SYN3: variants seen among roughly 807,000 people sequenced by gnomAD.
SYN3 encodes synapsin III.
A neutral mutation model predicts 65.8 loss-of-function variants in SYN3; 35 were observed. The ratio of observed to expected loss-of-function variants is 0.53; its 90% confidence interval spans 0.41 to 0.70. The LOEUF (loss-of-function observed/expected upper bound fraction) is 0.70, where lower values mean the gene tolerates loss of function less well. Ranked by LOEUF, SYN3 falls within the 30% of genes least tolerant of loss-of-function variation. The probability of loss-of-function intolerance (pLI) is 0.00; values close to 1 mark genes in which losing one functional copy is unlikely to be tolerated. For missense variants in SYN3, 680 were observed against 749.0 expected (o/e 0.91, Z 1.08); for synonymous variants, 270 against 292.9 (o/e 0.92, Z 0.80).
intron 6 of SYN3, among the ~76,000 whole-genome samples, chr22:32,772,069 C>T (rs2045784330): frequency 6.6e-6 from 1 of 151,868 alleles, no homozygotes; most frequent in Admixed American, 6.6e-5. Context: ...CCTCCTAGGA[C>T]ATCTGAAAAA....
intron 6 of SYN3, among the ~76,000 whole-genome samples, chr22:32,667,179 C>A (rs1368765396): frequency 6.6e-6 from 1 of 151,776 alleles, no homozygotes; most frequent in African/African-American, 2.4e-5. Flanking sequence ...TCTTTCATTC[C>A]TTCTCCCTCA....
intron 6 of SYN3, among the ~76,000 whole-genome samples, chr22:32,704,097 A>G (rs1247241427): frequency 6.6e-6 from 1 of 152,184 alleles, no homozygotes; most frequent in African/African-American, 2.4e-5. Context: ...TCAGGGGTAC[A>G]TATGCAGGTT....
intron 3 of SYN3, among the ~76,000 whole-genome samples, chr22:32,937,485 A>G: frequency 6.6e-6 from 1 of 152,190 alleles, no homozygotes; most frequent in African/African-American, 2.4e-5. Context: ...GTGTCAAGAA[A>G]CTTACAATCA....
intron 7 of SYN3, among the ~76,000 whole-genome samples, chr22:32,574,249 G>C (rs1374710105): frequency 6.6e-6 from 1 of 152,090 alleles, no homozygotes; most frequent in Admixed American, 6.5e-5. Context: ...GGGAGGCTGA[G>C]CAGGAGGATC....
intron 6 of SYN3, among the ~76,000 whole-genome samples, chr22:32,605,008 A>G (rs1299693948): frequency 1.1e-4 from 5 of 44,770 alleles, no homozygotes; most frequent in Non-Finnish European, 1.9e-4. Flanking sequence ...TCCATCTCAG[A>G]AAAAAAAAAA....
At chr22:32,955,971 C>A (rs896233391) in intron 3 of SYN3, among the ~76,000 whole-genome samples, 11 of 151,164 alleles carry the variant, frequency 7.3e-5, no homozygotes, top group African/African-American at 2.7e-4. Flanking sequence ...GGCTTACTTG[C>A]TCTTCAGATT....
In SYN3 at chr22:32,851,376, C is replaced by T. The variant is rs576139989; in HGVS notation, c.711+13539G>A. On this transcript the variant is annotated intron_variant, in intron 6 of 13. Coordinates refer to ENST00000358763, the MANE Select transcript of SYN3 (RefSeq NM_003490.4). ...CCTGGAGACCAGGGTGACCAGAGGCCCTTCCTGTGGACATAATGTCCCATT... is the reference window on the plus strand; with the variant it reads ...CCTGGAGACCAGGGTGACCAGAGGCTCTTCCTGTGGACATAATGTCCCATT... Among the ~76,000 whole-genome samples, 23 of 152,206 alleles carry T rather than the reference C, an allele frequency of 1.5e-4. No homozygotes were observed. The East Asian group carries it at 4.3e-3, about 28-fold the overall frequency.
At chr22:32,904,376 C>T (rs184748184) in intron 4 of SYN3, among the ~76,000 whole-genome samples, 47 of 152,304 alleles carry the variant, frequency 3.1e-4, no homozygotes, top group Admixed American at 7.8e-4. Flanking sequence ...CTGCAGAGGG[C>T]TCTGAGTACC....
chr22:32,918,149 C>G (rs985023034), intron 4 of SYN3, among the ~76,000 whole-genome samples: 1 of 152,248 alleles, frequency 6.6e-6, no homozygotes, highest in African/African-American at 2.4e-5. Context: ...GATTCTTATT[C>G]ATGCAAAGAG....
intron 4 of SYN3, among the ~76,000 whole-genome samples, chr22:32,903,595 TA>T (rs1202606249): frequency 6.6e-6 from 1 of 152,174 alleles, no homozygotes; most frequent in African/African-American, 2.4e-5. Context: ...GCAGCCTCCA[TA>T]GCTGGCTGCT....
chr22:33,033,115 G>GGA (rs10650546), intron 1 of SYN3, among the ~76,000 whole-genome samples: 27,243 of 151,670 alleles, frequency 0.18, 2,751 homozygotes, highest in East Asian at 0.41. Flanking sequence ...CAAGTAGCTG[G>GGA]GACTACAGGC....
intron 6 of SYN3, among the ~76,000 whole-genome samples, chr22:32,780,136 C>G (rs1027057295): frequency 6.6e-6 from 1 of 151,582 alleles, no homozygotes; most frequent in Non-Finnish European, 1.5e-5. Flanking sequence ...GAGCCCGAAG[C>G]CTTCTGCCCT....
At chr22:32,594,728 TCCAC>T (rs1016362790) in intron 7 of SYN3, among the ~76,000 whole-genome samples, 5 of 152,142 alleles carry the variant, frequency 3.3e-5, no homozygotes, top group African/African-American at 1.2e-4. Flanking sequence ...CCTCAGGTGA[TCCAC>T]CCTCTTTGGC....
chr22:32,605,191 C>A (rs4820084), intron 6 of SYN3, among the ~76,000 whole-genome samples: 9,327 of 151,968 alleles, frequency 0.061, 379 homozygotes, highest in Middle Eastern at 0.13. Context: ...ACGAAGTCTC[C>A]CACAACAAGC....
At chr22:32,843,904 CT>C in intron 6 of SYN3, among the ~76,000 whole-genome samples, 1 of 152,038 alleles carries the variant, frequency 6.6e-6, no homozygotes, top group Non-Finnish European at 1.5e-5. Context: ...TCTATGGGGT[CT>C]TTGGAGAGAC....
At chr22:32,925,718 G>A (rs1601707944) in intron 4 of SYN3, among the ~76,000 whole-genome samples, 1 of 152,082 alleles carries the variant, frequency 6.6e-6, no homozygotes, top group South Asian at 2.1e-4. Flanking sequence ...AATCACGAGG[G>A]GAGCTTTAAA....
intron 6 of SYN3, among the ~76,000 whole-genome samples, chr22:32,597,595 G>T (rs2059221212): frequency 6.6e-6 from 1 of 152,146 alleles, no homozygotes; most frequent in African/African-American, 2.4e-5. Context: ...ACCATACGAG[G>T]CTGCTTAATA....
chr22:32,969,293 T>C (rs241767), intron 3 of SYN3, among the ~76,000 whole-genome samples: 96,476 of 151,918 alleles, frequency 0.64, 31,079 homozygotes, highest in East Asian at 0.78. Flanking sequence ...TAAAGGGTCA[T>C]GCAACGGGCA....
chr22:32,529,257 G>T (rs130457), intron 10 of SYN3, among the ~76,000 whole-genome samples: 35,399 of 152,070 alleles, frequency 0.23, 4,255 homozygotes, highest in African/African-American at 0.29. Flanking sequence ...ATGCGACAAG[G>T]GCCAGGGAGC....
Sources: gnomAD v4.1 joint callset for allele counts (sites outside exome capture counted in the v4.1 genomes callset) on GRCh38, gnomAD v4.1.1 for gene constraint, MANE v1.5 for transcripts, NCBI Gene and HGNC (gene_info 2026-07-23, HGNC 2026-07-21) for gene names.